The following DACH1 variants were observed in gnomAD, a reference collection of about 807,000 sequenced individuals.
The protein encoded by DACH1 is dachshund homolog 1.
In DACH1, 12 loss-of-function variants were observed where a neutral mutation model predicts 54.2. The ratio of observed to expected loss-of-function variants is 0.22; its 90% CI spans 0.14 to 0.36. DACH1 has a LOEUF of 0.36. DACH1 is among the 10% of genes least tolerant of loss of function. The pLI is 1.00. For synonymous variants in DACH1, 386 were observed against 366.2 expected (o/e 1.05, Z -0.62); for missense variants, 805 against 929.8 (o/e 0.87, Z 1.75).
intron 7 of DACH1, among the ~76,000 whole-genome samples, chr13:71,485,137 G>A (rs1878374366): frequency 6.6e-6 from 1 of 151,368 alleles, no homozygotes; most frequent in Admixed American, 6.6e-5. Context: ...GTTTGACGGT[G>A]TCATATCCAG....
intron 1 of DACH1, among the ~76,000 whole-genome samples, chr13:71,827,858 G>A (rs1046972711): frequency 5.3e-5 from 8 of 151,964 alleles, no homozygotes; most frequent in African/African-American, 1.2e-4. Context: ...TAAGGCAAGC[G>A]CCTGGGCTCC....
chr13:71,592,513 A>AAAAAAAAAAAAAAG (rs768010399), intron 3 of DACH1, among the ~76,000 whole-genome samples: 2 of 145,816 alleles, frequency 1.4e-5, no homozygotes, highest in African/African-American at 2.5e-5. Context: ...AAAAAAAAAA[A>AAAAAAAAAAAAAAG]AAAAGAAAAG....
At chr13:71,617,927 A>T (rs560386775) in intron 3 of DACH1, among the ~76,000 whole-genome samples, 6 of 152,120 alleles carry the variant, frequency 3.9e-5, no homozygotes, top group Admixed American at 6.5e-5. Context: ...TCTGCGTTCA[A>T]TGTTACTTGT....
chr13:71,487,170 A>C (rs949032767), intron 7 of DACH1, among the ~76,000 whole-genome samples: 2 of 152,114 alleles, frequency 1.3e-5, no homozygotes, highest in African/African-American at 2.4e-5. Flanking sequence ...TTTTTAATAA[A>C]GCATTCTTAT....
chr13:71,703,954 T>G (rs1391015818), intron 1 of DACH1, among the ~76,000 whole-genome samples: 1 of 152,130 alleles, frequency 6.6e-6, no homozygotes, highest in African/African-American at 2.4e-5. Context: ...AATACAGGCC[T>G]AAAATGAAGT....
intron 2 of DACH1, among the ~76,000 whole-genome samples, chr13:71,676,319 G>A (rs1017849588): frequency 6.6e-6 from 1 of 152,062 alleles, no homozygotes; most frequent in East Asian, 1.9e-4. Context: ...CCGAGTTCAG[G>A]CGATTCTCCT....
chr13:71,728,311 C>T (rs1397927722), intron 1 of DACH1, among the ~76,000 whole-genome samples: 1 of 151,882 alleles, frequency 6.6e-6, no homozygotes, highest in Non-Finnish European at 1.5e-5. Context: ...TGGAAACACC[C>T]ATTTAGAACC....
At chr13:71,453,038 G>A (rs1875217939) in intron 10 of DACH1, among the ~76,000 whole-genome samples, 1 of 152,178 alleles carries the variant, frequency 6.6e-6, no homozygotes, top group Admixed American at 6.5e-5. Context: ...ATTTTTGTGT[G>A]TGTCTTCTAA....
chr13:71,632,237 A>G (rs1387228844), intron 2 of DACH1, among the ~76,000 whole-genome samples: 2 of 152,136 alleles, frequency 1.3e-5, no homozygotes, highest in African/African-American at 4.8e-5. Flanking sequence ...GATAATAAGC[A>G]GAGGTTTTTG....
intron 2 of DACH1, chr13:71,675,355 G>A (rs1486882637): frequency 1.3e-6 from 2 of 1,532,812 alleles, no homozygotes; most frequent in East Asian, 2.3e-5. Flanking sequence ...GGAGGCAAGT[G>A]AGGCCTATCT....
chr13:71,728,789 G>C (rs1883601362), intron 1 of DACH1, among the ~76,000 whole-genome samples: 1 of 151,942 alleles, frequency 6.6e-6, no homozygotes, highest in Non-Finnish European at 1.5e-5. Flanking sequence ...AGTTTTCTCA[G>C]CATGAGCTGT....
At chr13:71,554,776 T>A (rs966122123) in intron 6 of DACH1, among the ~76,000 whole-genome samples, 3 of 152,110 alleles carry the variant, frequency 2.0e-5, no homozygotes, top group Non-Finnish European at 4.4e-5. Flanking sequence ...GCAAATACTT[T>A]AAAACATGCC....
rs1160125775 is a variant in DACH1, at chr13:71,552,792, AATATATATATATATATATATATATAT to A, written c.1570+4206_1570+4231del. ...ATATATATATATATATATGGATGTGAATATATATATATATATATATATATATATATATATATATATATATATATATA... is the reference window on the plus strand; with the variant it reads ...ATATATATATATATATATGGATGTGAATATATATATATATATATATATATA... On this transcript the variant is annotated intron_variant, in intron 6 of 10. Coordinates refer to ENST00000613252, the MANE Select transcript of DACH1 (RefSeq NM_080759.6). Among the ~76,000 whole-genome samples the A allele has an allele frequency of 4.9e-3, 87 of 17,654 alleles. 1 individual carries two copies. Among genetic ancestry groups the A allele is most frequent in the Admixed American group, 6.4e-3 (6 of 932 alleles). 11.6% of individuals were successfully genotyped at this position (17,654 alleles called of 152,430 possible).
chr13:71,670,226 G>A (rs1336455696), intron 2 of DACH1, among the ~76,000 whole-genome samples: 1 of 152,072 alleles, frequency 6.6e-6, no homozygotes, highest in Non-Finnish European at 1.5e-5. Flanking sequence ...AAAAACGTTT[G>A]CGTAATCTGA....
intron 10 of DACH1, among the ~76,000 whole-genome samples, chr13:71,457,675 A>C (rs1273719904): frequency 1.3e-5 from 2 of 151,950 alleles, no homozygotes. Context: ...CGTTGCTCTT[A>C]TTACTGTCTT....
At chr13:71,479,430 C>T (rs936996949) in intron 7 of DACH1, 114 bp from the exon 8 acceptor site, 26 of 975,232 alleles carry the variant, frequency 2.7e-5, no homozygotes, top group African/African-American at 4.9e-5. Context: ...CTAATTCTTT[C>T]GCATTCACTC....
intron 3 of DACH1, among the ~76,000 whole-genome samples, chr13:71,608,059 GTA>G (rs143952432): frequency 0.13 from 19,726 of 147,042 alleles, 3,160 homozygotes; most frequent in African/African-American, 0.38. Context: ...ATTACAATGT[GTA>G]TATATATATA....
At chr13:71,849,540 C>G (rs1873525095) in intron 1 of DACH1, among the ~76,000 whole-genome samples, 1 of 152,162 alleles carries the variant, frequency 6.6e-6, no homozygotes, top group Non-Finnish European at 1.5e-5. Flanking sequence ...CCTTTTTTCT[C>G]CTTTTTCATG....
At chr13:71,857,092 AT>A (rs1297134261) in intron 1 of DACH1, among the ~76,000 whole-genome samples, 1 of 151,876 alleles carries the variant, frequency 6.6e-6, no homozygotes, top group Admixed American at 6.6e-5. Flanking sequence ...TAATGTACAG[AT>A]TCTAATACCC....
Sources: gnomAD v4.1 joint callset for allele counts (sites outside exome capture counted in the v4.1 genomes callset) on GRCh38, gnomAD v4.1.1 for gene constraint, MANE v1.5 for transcripts, NCBI Gene and HGNC (gene_info 2026-07-23, HGNC 2026-07-21) for gene names.